Variants in COPS7B observed in about 807,000 individuals in gnomAD.
COPS7B encodes the protein COP9 signalosome complex subunit 7b.
Under a neutral mutation model 33.4 loss-of-function variants are expected in COPS7B, and 9 were observed. That is an observed-to-expected ratio of 0.27 (90% confidence interval 0.16 to 0.47). The LOEUF (loss-of-function observed/expected upper bound fraction) is 0.47, where lower values mean the gene tolerates loss of function less well. COPS7B is among the 20% of genes least tolerant of loss of function. The pLI, the probability that COPS7B is intolerant of heterozygous loss-of-function variation, is 0.99. For synonymous variants in COPS7B, 119 were observed against 126.3 expected (o/e 0.94, Z 0.39); for missense variants, 242 against 318.2 (o/e 0.76, Z 1.82).
intron 1 of COPS7B, among the ~76,000 whole-genome samples, chr2:231,786,836 C>A (rs1432607721): frequency 6.6e-6 from 1 of 152,226 alleles, no homozygotes; most frequent in African/African-American, 2.4e-5. Context: ...GCGCCCTCCC[C>A]TGACGGGAAT....
intron 3 of COPS7B, chr2:231,792,350 G>A (rs2106319531): frequency 1.2e-5 from 3 of 256,512 alleles, no homozygotes; most frequent in East Asian, 1.1e-4. Flanking sequence ...AAATTAGCTC[G>A]GCGTGGTGGT....
In COPS7B at chr2:231,796,145, C is replaced by T; in HGVS notation, c.367C>T (p.Arg123Trp). 3.1e-6 allele frequency: 5 copies of T among 1,614,058 alleles called. No individual in the cohort carries two copies. Among genetic ancestry groups the T allele is most frequent in the East Asian group, 2.2e-5 (1 of 44,876 alleles). ...YSVLLKDLEMRNLRELEDLII... is the reference protein window; with the variant it reads ...YSVLLKDLEMWNLRELEDLII... ...CGTGTTGCTGAAAGACCTGGAGATG[C>T]GGAATCTCCGGGAACTAGAAGACCT... Residue 123 changes from arginine to tryptophan, a missense_variant, in exon 5 of 7, where the codon CGG becomes TGG. Arg to Trp is a moderately radical substitution (Grantham distance 101). Coordinates refer to ENST00000350033, the MANE Select transcript of COPS7B (RefSeq NM_022730.4).
At chr2:231,801,283 A>T in intron 6 of COPS7B, 1 of 1,535,662 alleles carries the variant, frequency 6.5e-7, no homozygotes, top group Non-Finnish European at 8.8e-7. Context: ...TATTCTCTCC[A>T]TTTAGGCTTT....
intron 6 of COPS7B, among the ~76,000 whole-genome samples, chr2:231,803,436 A>G (rs887665954): frequency 6.6e-6 from 1 of 152,162 alleles, no homozygotes; most frequent in African/African-American, 2.4e-5. Context: ...TTTCAGAACT[A>G]GAGAAAAAAC....
At chr2:231,798,170 A>G (rs1296594237) in intron 5 of COPS7B, among the ~76,000 whole-genome samples, 1 of 151,298 alleles carries the variant, frequency 6.6e-6, no homozygotes, top group Non-Finnish European at 1.5e-5. Context: ...TACAGGCATG[A>G]GCCACTGCGC....
At position 231,807,842 on chromosome 2, in the gene COPS7B, C is replaced by T; in HGVS notation, c.*197C>T. The T allele has an allele frequency of 7.6e-6, 4 of 526,122 alleles. No individual in the cohort carries two copies. The highest frequency in any genetic ancestry group is 1.0e-5 in the Non-Finnish European group (3 of 299,342). The allele number at this position is 526,122 out of a possible 1,614,324, so 32.6% of individuals were successfully genotyped here. On this transcript the variant is annotated 3_prime_UTR_variant, in exon 7 of 7. Transcript: ENST00000350033. ...CCACTCCCTCCTTCCCCAGTTGTTC[C>T]CTTCAGACTCAGGGGCTCCACCAAT...
At chr2:231,787,421 A>T (rs941716095) in intron 1 of COPS7B, among the ~76,000 whole-genome samples, 2 of 152,178 alleles carry the variant, frequency 1.3e-5, no homozygotes, top group African/African-American at 2.4e-5. Flanking sequence ...AATATGTATC[A>T]TTCTTGGAGG....
chr2:231,786,856 C>G (rs1314167886), intron 1 of COPS7B, among the ~76,000 whole-genome samples: 2 of 152,238 alleles, frequency 1.3e-5, no homozygotes, highest in Non-Finnish European at 2.9e-5. Flanking sequence ...TTTATCTCCG[C>G]TCTGTGCCTA....
chr2:231,805,710 A>T (rs1290356538), intron 6 of COPS7B, among the ~76,000 whole-genome samples: 4 of 151,950 alleles, frequency 2.6e-5, no homozygotes, highest in Non-Finnish European at 5.9e-5. Flanking sequence ...TGGTGCAGAC[A>T]TGGCTCACTG....
intron 3 of COPS7B, chr2:231,792,204 C>T (rs746133798): frequency 2.3e-5 from 10 of 428,920 alleles, no homozygotes; most frequent in Non-Finnish European, 3.4e-5. Context: ...TTAAAAGTCA[C>T]TCATAGGCTG....
intron 5 of COPS7B, among the ~76,000 whole-genome samples, chr2:231,797,050 G>A (rs1422846825): frequency 1.3e-5 from 2 of 152,246 alleles, no homozygotes; most frequent in Non-Finnish European, 2.9e-5. Flanking sequence ...TTTTAGCTCA[G>A]TTTTGAAGGA....
At chr2:231,798,798 T>G in intron 5 of COPS7B, 61 bp from the exon 6 acceptor site, 1 of 1,376,130 alleles carries the variant, frequency 7.3e-7, no homozygotes, top group South Asian at 1.2e-5. Flanking sequence ...AGAATATTTC[T>G]GAGCCTGGAA....
chr2:231,783,583 T>A (rs530397429), upstream of COPS7B, among the ~76,000 whole-genome samples: 1 of 152,356 alleles, frequency 6.6e-6, no homozygotes, highest in African/African-American at 2.4e-5. Context: ...CCTGTTCTTT[T>A]CCCAACTTTT....
upstream of COPS7B, chr2:231,781,721 C>A (rs987493512): frequency 1.1e-6 from 1 of 916,066 alleles, no homozygotes; most frequent in Non-Finnish European, 1.7e-6. Context: ...TCCAGTGTGC[C>A]GCGCAGTGTG....
chr2:231,799,230 T>G (rs761974396), intron 6 of COPS7B, among the ~76,000 whole-genome samples: 49 of 152,178 alleles, frequency 3.2e-4, no homozygotes, highest in Non-Finnish European at 6.3e-4. Flanking sequence ...AGTACACATG[T>G]ACTTTGCAGC....
intron 6 of COPS7B, among the ~76,000 whole-genome samples, chr2:231,800,593 A>G (rs1170408201): frequency 6.6e-6 from 1 of 152,246 alleles, no homozygotes; most frequent in Non-Finnish European, 1.5e-5. Context: ...GCGGGTGTGC[A>G]CAGAGCTATT....
At position 231,807,816 on chromosome 2, in the gene COPS7B, C is replaced by T. The variant is rs2049939897; in HGVS notation, c.*171C>T. The T allele has an allele frequency of 3.5e-6, 2 of 577,968 alleles. No homozygotes were observed. The highest frequency in any genetic ancestry group is 4.6e-5 in the South Asian group (2 of 43,914). The allele number at this position is 577,968 out of a possible 1,614,324, so 35.8% of individuals were successfully genotyped here. Reference sequence around the variant, plus strand: ...CCAGAAAAACTGTTACTCCCCCTCACCCACTCCCTCCTTCCCCAGTTGTTC... The same window carrying T: ...CCAGAAAAACTGTTACTCCCCCTCATCCACTCCCTCCTTCCCCAGTTGTTC... On this transcript the variant is annotated 3_prime_UTR_variant, in exon 7 of 7. Transcript: ENST00000350033.
rs2049929547 is a variant in COPS7B, at chr2:231,807,491, C to T, written c.641C>T (p.Thr214Ile). 6.2e-7 allele frequency: 1 copy of T among 1,610,792 alleles called. No homozygotes were observed. The highest frequency in any genetic ancestry group is 8.5e-7 in the Non-Finnish European group (1 of 1,178,390). ...RTQQQVEAEV[T>I]NIKKTLKATA... is the part of the protein sequence containing the mutation. ...AATTCTATATCTCCCCACCAGGTTA[C>T]CAACATCAAGAAGACACTCAAAGCC... is the stretch of plus-strand genomic sequence containing the variant. Residue 214 changes from threonine to isoleucine, a missense_variant, in exon 7 of 7, where the codon ACC (threonine) becomes ATC (isoleucine). By Grantham distance (89) the Thr-to-Ile change is moderately conservative. Transcript: ENST00000350033.
rs965670452 is a variant in COPS7B, at chr2:231,808,412, G to A, written c.*767G>A. ...CCTCTGACTACTCAGCCTTGTTTTC[G>A]GTGTGTAGGCCCCAGCTGCCCACTG... On this transcript the variant is annotated 3_prime_UTR_variant, in exon 7 of 7. Coordinates refer to ENST00000350033, the MANE Select transcript of COPS7B (RefSeq NM_022730.4). 1.1e-5 allele frequency: 5 copies of A among 470,780 alleles called. No homozygotes were observed. Among genetic ancestry groups the A allele is most frequent in the Admixed American group, 2.4e-5 (1 of 42,448 alleles). The allele number at this position is 470,780 out of a possible 1,614,324, so 29.2% of individuals were successfully genotyped here. A position where few individuals can be genotyped will look rare whatever the true frequency, so the allele number is the denominator to read the frequency against.
Sources: allele counts gnomAD v4.1 joint callset (sites outside exome capture counted in the v4.1 genomes callset), GRCh38; gene constraint gnomAD v4.1.1; transcripts MANE v1.5; gene names NCBI Gene and HGNC (gene_info 2026-07-23, HGNC 2026-07-21).